RNF114: variants seen among roughly 807,000 people sequenced by gnomAD.
RNF114 encodes the protein ring finger protein 114.
In RNF114, 6 loss-of-function variants were observed where a neutral mutation model predicts 28.4. The ratio of observed to expected loss-of-function variants is 0.21; its 90% CI spans 0.12 to 0.42. The LOEUF is 0.42. Among genes scored for constraint, RNF114 ranks in the 10% least tolerant of loss-of-function variants. The pLI is 1.00. For missense variants in RNF114, 249 were observed against 311.7 expected, an observed-to-expected ratio of 0.80 and a Z score of 1.51; for synonymous variants, 115 against 116.7, an observed-to-expected ratio of 0.99 and a Z score of 0.09.
At position 49,936,442 on chromosome 20, in the gene RNF114, T is replaced by G; in HGVS notation, c.30T>G (p.Gly10=). Reference sequence around the variant, plus strand: ...CGGCGCAACAGCGGGACTGCGGGGGTGCTGCGCAGCTGGCGGGGCCGGCGG... The same window carrying G: ...CGGCGCAACAGCGGGACTGCGGGGGGGCTGCGCAGCTGGCGGGGCCGGCGG... MAAQQRDCG[G]AAQLAGPAAE... Residue 10 remains glycine (G), a synonymous_variant, in exon 1 of 6, where the codon GGT becomes GGG. Coordinates refer to ENST00000244061, the MANE Select transcript of RNF114 (RefSeq NM_018683.4). 1 of 1,541,326 alleles carries G rather than the reference T, an allele frequency of 6.5e-7. No homozygotes were observed.
intron 5 of RNF114, 63 bp from the exon 6 acceptor site, chr20:49,952,013 C>T (rs1430449172): frequency 1.8e-5 from 24 of 1,319,172 alleles, no homozygotes; most frequent in African/African-American, 4.3e-5. Flanking sequence ...CCTGCTTCTA[C>T]TGAAAGCCAG....
At chr20:49,951,284 ATTACATTCATCTG>A (rs2090354270) in intron 5 of RNF114, among the ~76,000 whole-genome samples, 1 of 147,022 alleles carries the variant, frequency 6.8e-6, no homozygotes, top group Non-Finnish European at 1.5e-5. Context: ...ACACAGATGA[ATTACATTCATCTG>A]TGTCACATTA....
At chr20:49,939,812 T>TG (rs1262477404) in intron 1 of RNF114, among the ~76,000 whole-genome samples, 1 of 151,796 alleles carries the variant, frequency 6.6e-6, no homozygotes. Context: ...CCCAGCACTT[T>TG]GGGAGGCCAA....
Position 49,946,177 on chromosome 20 carries a change from C to T in RNF114, c.440C>T (p.Pro147Leu), listed in dbSNP as rs150079671. 21 of 1,612,034 alleles carry T rather than the reference C, an allele frequency of 1.3e-5. No homozygotes were observed. The East Asian group carries it at 4.7e-4, about 36-fold the overall frequency. The change falls in exon 4 of 6, where the codon CCT (proline) becomes CTT (leucine). Residue 147 changes from proline to leucine, a missense_variant. Physicochemically the swap from Pro to Leu is moderately conservative, Grantham distance 98. Transcript: ENST00000244061. ...TACACCTTTCCTTGTCCTTACTGTC[C>T]TGAGAAGAACTTTGATCAGGAAGGA... ...NRYTFPCPYC[P>L]EKNFDQEGLV...
chr20:49,946,690 T>C (rs1318533341), intron 4 of RNF114, among the ~76,000 whole-genome samples: 1 of 151,980 alleles, frequency 6.6e-6, no homozygotes, highest in Non-Finnish European at 1.5e-5. Flanking sequence ...GGTACACGAG[T>C]TCTCTGTCCT....
At chr20:49,947,916 C>T (rs1418618223) in intron 4 of RNF114, among the ~76,000 whole-genome samples, 4 of 150,658 alleles carry the variant, frequency 2.7e-5, no homozygotes, top group East Asian at 2.0e-4. Context: ...CTCAGCCTCC[C>T]GTGTAGCTGG....
Position 49,949,301 on chromosome 20 carries a change from C to T in RNF114, c.567C>T (p.Ala189=). 1.2e-6 allele frequency: 2 copies of T among 1,614,182 alleles called. No individual in the cohort carries two copies. Among genetic ancestry groups the T allele is most frequent in the Non-Finnish European group, 8.5e-7 (1 of 1,180,030 alleles). Residue 189 remains alanine, a synonymous_variant, in exon 5 of 6, where the codon GCC becomes GCT. Coordinates refer to ENST00000244061, the MANE Select transcript of RNF114 (RefSeq NM_018683.4). ...MPWGDPNYRS[A]NFREHIQRRH... ...GGGGAGACCCCAACTACCGCAGCGC[C>T]AACTTCAGAGAGCACATCCAGCGCC... is the stretch of plus-strand genomic sequence containing the variant.
At chr20:49,940,830 C>T (rs2090304842) in intron 1 of RNF114, among the ~76,000 whole-genome samples, 2 of 148,836 alleles carry the variant, frequency 1.3e-5, no homozygotes, top group Non-Finnish European at 3.0e-5. Context: ...CCACCTCTGC[C>T]TCCCAGGTTC....
At chr20:49,938,429 C>T (rs1374109086) in intron 1 of RNF114, among the ~76,000 whole-genome samples, 1 of 152,234 alleles carries the variant, frequency 6.6e-6, no homozygotes, top group Non-Finnish European at 1.5e-5. Context: ...CTAGCTCCAA[C>T]CGACTGCTTT....
rs150491630 is a variant in RNF114, at chr20:49,938,516, T to G, written c.140+1964T>G. Among the ~76,000 whole-genome samples, 1,450 of 152,296 alleles carry G rather than the reference T, an allele frequency of 9.5e-3. 16 individuals carry two copies. Among genetic ancestry groups the G allele is most frequent in the Middle Eastern group, 0.034 (10 of 294 alleles). The stretch of plus-strand genomic sequence containing the variant: ...CTGCAACTCTGGCTGGGGCATTGGA[T>G]TTTTATAAAACTTTATTTCAAGCCC... On this transcript the variant is annotated intron_variant, in intron 1 of 5. Transcript: ENST00000244061.
Position 49,941,703 on chromosome 20 carries a change from C to T in RNF114, c.283C>T (p.Arg95Cys), listed in dbSNP as rs1385648880. The change falls in exon 2 of 6, where the codon CGT (arginine) becomes TGT (cysteine). Residue 95 changes from arginine (R) to cysteine (C), a missense_variant. Physicochemically the swap from Arg to Cys is radical, Grantham distance 180. This residue lies in a region of RNF114 where 126 missense variants were observed against 205.3 expected (regional missense o/e 0.61). Transcript: ENST00000244061. ...ESTETSCHGC[R>C]KNFFLSKIRS... ...CACAGAGACTTCTTGCCATGGCTGC[C>T]GTAAGAATGTATGTGGAAGTGATGT... 9 of 1,610,962 alleles carry T rather than the reference C, an allele frequency of 5.6e-6. No homozygotes were observed. In the East Asian group the frequency reaches 6.7e-5, roughly 12 times the overall value.
chr20:49,945,541 A>C, intron 3 of RNF114, 53 bp downstream of exon 3: 1 of 482,194 alleles, frequency 2.1e-6, no homozygotes, highest in Non-Finnish European at 3.5e-6. Context: ...TATTAATACA[A>C]AGAGGTTGCA....
chr20:49,941,413 G>A, intron 1 of RNF114, 148 bp from the exon 2 acceptor site: 1 of 822,074 alleles, frequency 1.2e-6, no homozygotes, highest in Non-Finnish European at 1.9e-6. Context: ...ATTTTTTCTG[G>A]CTTGGAAGGA....
chr20:49,946,234 C>T lies in RNF114; in HGVS notation c.497C>T (p.Thr166Met), dbSNP rs200949141. 3.5e-5 allele frequency: 55 copies of T among 1,571,096 alleles called. No homozygotes were observed. In the East Asian group the frequency reaches 3.6e-4, roughly 10 times the overall value. Residue 166 changes from threonine (T) to methionine (M), a missense_variant, in exon 4 of 6, where the codon ACG becomes ATG. Thr to Met is a moderately conservative substitution (Grantham distance 81). Coordinates refer to ENST00000244061, the MANE Select transcript of RNF114 (RefSeq NM_018683.4). The part of the protein sequence containing the change: ...LVEHCKLFHS[T>M]DTKSVVCPIC... ...GAACACTGCAAATTATTCCATAGCA[C>T]GGATACCAAATCTGTGGTGAGTAAC... is the stretch of plus-strand genomic sequence containing the variant.
At chr20:49,949,914 A>T (rs1178503162) in intron 5 of RNF114, among the ~76,000 whole-genome samples, 2 of 146,590 alleles carry the variant, frequency 1.4e-5, no homozygotes, top group Non-Finnish European at 1.5e-5. Flanking sequence ...AAGTGTTGGG[A>T]TTACAGGCGT....
chr20:49,950,272 G>A (rs2090350451), intron 5 of RNF114, among the ~76,000 whole-genome samples: 1 of 150,386 alleles, frequency 6.6e-6, no homozygotes, highest in African/African-American at 2.4e-5. Context: ...AGATGATCTG[G>A]TCAGTCTTTG....
chr20:49,941,237 C>A (rs1429943707), intron 1 of RNF114: 2 of 240,806 alleles, frequency 8.3e-6, no homozygotes, highest in Non-Finnish European at 1.6e-5. Context: ...ACTACTCTCT[C>A]CATTTCACAA....
intron 2 of RNF114, chr20:49,943,827 TATATATACACACACAC>T (rs56329653): frequency 0.041 from 5,262 of 128,000 alleles, 137 homozygotes; most frequent in East Asian, 0.13. Context: ...CCCAGCTATA[TATATATACACACACAC>T]ACACACACAC....
chr20:49,941,508 G>T, intron 1 of RNF114, 53 bp from the exon 2 acceptor site: 1 of 1,512,868 alleles, frequency 6.6e-7, no homozygotes, highest in Non-Finnish European at 8.9e-7. Flanking sequence ...ATCCATATTT[G>T]TCGTCTTGTC....
Sources: gnomAD v4.1 joint callset for allele counts (sites outside exome capture counted in the v4.1 genomes callset) on GRCh38, gnomAD v4.1.1 for gene constraint, gnomAD v4.1.1 regional missense constraint, MANE v1.5 for transcripts, NCBI Gene and HGNC (gene_info 2026-07-23, HGNC 2026-07-21) for gene names.